ZNF43: variants seen among roughly 807,000 people sequenced by gnomAD.
The protein encoded by ZNF43 is zinc finger protein 39-like 1 (KOX 27).
A neutral mutation model predicts 68.4 loss-of-function variants in ZNF43; 44 were observed. The observed-to-expected ratio is 0.64, with a 90% CI of 0.51 to 0.83. The LOEUF (loss-of-function observed/expected upper bound fraction) is 0.83. Among genes scored for constraint, ZNF43 ranks in the 40% least tolerant of loss-of-function variants. The probability of loss-of-function intolerance (pLI) is 0.00; values close to 1 mark genes in which losing one functional copy is unlikely to be tolerated. For missense variants in ZNF43, 896 were observed against 933.2 expected, an observed-to-expected ratio of 0.96 and a Z score of 0.52; for synonymous variants, 308 against 307.8, an observed-to-expected ratio of 1.00 and a Z score of -0.01.
chr19:21,824,425 C>T (rs939124663), intron 1 of ZNF43, among the ~76,000 whole-genome samples: 2 of 152,092 alleles, frequency 1.3e-5, no homozygotes, highest in Admixed American at 6.5e-5. Flanking sequence ...GAGCCTCTCA[C>T]GTAAGTGTTA....
chr19:21,850,323 G>A (rs1968260309), intron 1 of ZNF43, among the ~76,000 whole-genome samples: 1 of 149,940 alleles, frequency 6.7e-6, no homozygotes, highest in South Asian at 2.1e-4. Context: ...AGCACTTCGG[G>A]AGGCCGAAGC....
intron 1 of ZNF43, among the ~76,000 whole-genome samples, chr19:21,824,161 A>C (rs1405735195): frequency 1.3e-5 from 2 of 152,178 alleles, no homozygotes; most frequent in African/African-American, 4.8e-5. Flanking sequence ...GCTCCAGCCC[A>C]GGGCGACAGT....
At chr19:21,813,701 A>T (rs1175680210) in intron 3 of ZNF43, among the ~76,000 whole-genome samples, 1 of 152,176 alleles carries the variant, frequency 6.6e-6, no homozygotes, top group African/African-American at 2.4e-5. Context: ...ATTTAGTTTC[A>T]CAGGTGTAAA....
At chr19:21,838,488 C>G (rs1046201469), upstream of ZNF43, among the ~76,000 whole-genome samples, 2 of 151,884 alleles carry the variant, frequency 1.3e-5, no homozygotes, top group Non-Finnish European at 2.9e-5. Flanking sequence ...CAACCTCCGC[C>G]TCCTGGGTTC....
At chr19:21,810,550 C>T (rs570254391) in intron 3 of ZNF43, among the ~76,000 whole-genome samples, 1 of 152,314 alleles carries the variant, frequency 6.6e-6, no homozygotes, top group East Asian at 1.9e-4. Context: ...ACAAAGGAGA[C>T]TTAACAGACT....
At position 21,817,912 on chromosome 19, in the gene ZNF43, G is replaced by T; in HGVS notation, c.205C>A (p.His69Asn). Residue 69 changes from histidine to asparagine, a missense_variant, in exon 3 of 4, where the codon CAT (histidine) becomes AAT (asparagine). Transcript: ENST00000354959. ...EKEPWEPMRRHEMVAKPPVMC... is the reference protein window; with the variant it reads ...EKEPWEPMRRNEMVAKPPVMC... ...CCTGGGGGTTTGGCTACCATTTCAT[G>T]TCTCCTCATAGGCTCCCAAGGCTCT... The T allele has an allele frequency of 6.2e-7, 1 of 1,613,080 alleles. No homozygotes were observed. The highest frequency in any genetic ancestry group is 1.7e-4 in the Middle Eastern group (1 of 6,050).
At chr19:21,832,972 G>T (rs1468122963) in intron 1 of ZNF43, among the ~76,000 whole-genome samples, 1 of 152,132 alleles carries the variant, frequency 6.6e-6, no homozygotes, top group African/African-American at 2.4e-5. Flanking sequence ...AAATCAAGAT[G>T]ATAGGATATA....
At chr19:21,835,757 C>A (rs368939414) in intron 1 of ZNF43, among the ~76,000 whole-genome samples, 1 of 152,200 alleles carries the variant, frequency 6.6e-6, no homozygotes, top group South Asian at 2.1e-4. Context: ...TCTCTCCTGA[C>A]GACCCTCCTG....
Position 21,809,122 on chromosome 19 carries a change from C to T in ZNF43, c.915G>A (p.Lys305=). The change falls in exon 4 of 4, where the codon AAG becomes AAA. Residue 305 remains lysine (K), a synonymous_variant. Coordinates refer to ENST00000354959, the MANE Select transcript of ZNF43 (RefSeq NM_003423.4). ...FNQSSNLTEH[K]KIHPGEKPYK... The stretch of plus-strand genomic sequence containing the variant: ...AAGGTTTCTCTCCAGGATGAATTTT[C>T]TTATGTTCAGTAAGGTTTGAGGATT... 1.2e-6 allele frequency: 2 copies of T among 1,613,336 alleles called. No homozygotes were observed. The highest frequency in any genetic ancestry group is 1.7e-6 in the Non-Finnish European group (2 of 1,179,804).
chr19:21,844,921 A>AAAAAAAAATATATAT (rs1310761266), intron 1 of ZNF43, among the ~76,000 whole-genome samples: 1 of 26,052 alleles, frequency 3.8e-5, no homozygotes, highest in African/African-American at 2.2e-4. Context: ...AAAAAAAAAA[A>AAAAAAAAATATATAT]ATATATATAT....
In ZNF43 at chr19:21,808,897, G is replaced by A; in HGVS notation, c.1140C>T (p.Ser380=). The change falls in exon 4 of 4, where the codon AGC becomes AGT. Residue 380 remains serine, a synonymous_variant. Transcript: ENST00000354959. The part of the protein sequence containing the change: ...YKCTECGEAF[S]RSSNLTKHKK... ...TATGTTTAGTAAGGTTTGAGGACCGGCTAAAAGCTTCACCACATTCTGTAC... is the reference window on the plus strand; with the variant it reads ...TATGTTTAGTAAGGTTTGAGGACCGACTAAAAGCTTCACCACATTCTGTAC... 2.5e-6 allele frequency: 4 copies of A among 1,613,624 alleles called. No homozygotes were observed. Among genetic ancestry groups the A allele is most frequent in the Non-Finnish European group, 3.4e-6 (4 of 1,179,810 alleles).
At chr19:21,813,240 T>C (rs1403330550) in intron 3 of ZNF43, among the ~76,000 whole-genome samples, 1 of 148,770 alleles carries the variant, frequency 6.7e-6, no homozygotes, top group Non-Finnish European at 1.5e-5. Flanking sequence ...TGAAACTCTG[T>C]CTCCAAAAAA....
chr19:21,836,161 A>C lies in ZNF43; in HGVS notation c.-123T>G, dbSNP rs1049236083. 1.9e-6 allele frequency: 3 copies of C among 1,568,390 alleles called. No individual in the cohort carries two copies. Among genetic ancestry groups the C allele is most frequent in the Non-Finnish European group, 2.6e-6 (3 of 1,155,804 alleles). ...ACAGAAGAACGAAGACGAGACGCAG[A>C]GCTCCAACTGCAGCCAGAGACAAAG... is the stretch of plus-strand genomic sequence containing the variant. On this transcript the variant is annotated 5_prime_UTR_variant, in exon 1 of 4. Coordinates refer to ENST00000354959, the MANE Select transcript of ZNF43 (RefSeq NM_003423.4).
rs766217155 is a variant in ZNF43, at chr19:21,808,596, G to T, written c.1441C>A (p.Pro481Thr). 140 of 1,613,044 alleles carry T rather than the reference G, an allele frequency of 8.7e-5. 3 individuals carry two copies. The South Asian group carries it at 1.4e-3, about 16-fold the overall frequency. The change falls in exon 4 of 4, where the codon CCG becomes ACG. Residue 481 changes from proline (P) to threonine (T), a missense_variant. Physicochemically the swap from Pro to Thr is conservative, Grantham distance 38. Transcript: ENST00000354959. The stretch of plus-strand genomic sequence containing the variant: ...TTGCCACATTCTTCACATTTGTACG[G>T]TTTTTCTGCAGTATGAATTCTCTTA... ...THKRIHTAEKPYKCEECGKAF... is the reference protein window; with the variant it reads ...THKRIHTAEKTYKCEECGKAF...
At chr19:21,819,541 A>T (rs1303787312) in intron 1 of ZNF43, among the ~76,000 whole-genome samples, 1 of 152,216 alleles carries the variant, frequency 6.6e-6, no homozygotes, top group African/African-American at 2.4e-5. Context: ...ATACAGAATC[A>T]GTTGCGAATA....
rs930884775 is a variant in ZNF43 at position 21,833,680 on chromosome 19, GAGGAAAAATCACCCACATTTTTCGAA to G, written c.3+2330_3+2355del. 6.6e-5 allele frequency among the ~76,000 whole-genome samples: 10 copies of G among 152,138 alleles called. No homozygotes were observed. The East Asian group carries it at 1.7e-3, about 27-fold the overall frequency. The stretch of plus-strand genomic sequence containing the variant: ...AAAAACAACAAAATGAAGTGTGGCT[GAGGAAAAATCACCCACATTTTTCGAA>G]AGGAAAAACTTGACCTAAAAACATT... On this transcript the variant is annotated intron_variant, in intron 1 of 3. Transcript: ENST00000354959.
intron 1 of ZNF43, among the ~76,000 whole-genome samples, chr19:21,828,172 G>A (rs1231597045): frequency 6.6e-6 from 1 of 152,174 alleles, no homozygotes; most frequent in Non-Finnish European, 1.5e-5. Context: ...AAATATCTAA[G>A]TATAACCAAC....
intron 1 of ZNF43, among the ~76,000 whole-genome samples, chr19:21,843,824 T>TG (rs1967711799): frequency 6.6e-6 from 1 of 152,180 alleles, no homozygotes; most frequent in Non-Finnish European, 1.5e-5. Context: ...GTGCTGAATC[T>TG]TGACCTGAGA....
intron 1 of ZNF43, among the ~76,000 whole-genome samples, chr19:21,832,274 T>C (rs1286500387): frequency 1.3e-5 from 2 of 151,768 alleles, no homozygotes; most frequent in East Asian, 3.9e-4. Flanking sequence ...ACAAGAGAAA[T>C]GTAAAAAAAA....
Sources: allele counts gnomAD v4.1 joint callset (sites outside exome capture counted in the v4.1 genomes callset), GRCh38; gene constraint gnomAD v4.1.1; transcripts MANE v1.5; gene names NCBI Gene and HGNC (gene_info 2026-07-23, HGNC 2026-07-21).